RALGAPA2: variants seen among roughly 807,000 people sequenced by gnomAD.
RALGAPA2 encodes the protein Ral GTPase activating protein catalytic subunit alpha 2.
In RALGAPA2, 139 loss-of-function variants were observed where a neutral mutation model predicts 230.4. The ratio of observed to expected loss-of-function variants is 0.60; its 90% CI spans 0.53 to 0.69. The LOEUF is 0.69. RALGAPA2 is among the 30% of genes least tolerant of loss of function. The probability of loss-of-function intolerance (pLI) is 0.00; values close to 1 mark genes in which losing one functional copy is unlikely to be tolerated. For missense variants in RALGAPA2, 2,163 were observed against 2,276.0 expected (o/e 0.95, Z 1.01); for synonymous variants, 847 against 837.8 (o/e 1.01, Z -0.19).
At chr20:20,488,755 A>G (rs1383360141) in intron 36 of RALGAPA2, among the ~76,000 whole-genome samples, 1 of 151,552 alleles carries the variant, frequency 6.6e-6, no homozygotes, top group Non-Finnish European at 1.5e-5. Flanking sequence ...ACCCATTGCT[A>G]TAAGAGTCTC....
intron 24 of RALGAPA2, among the ~76,000 whole-genome samples, chr20:20,537,247 G>GA (rs762551620): frequency 1.3e-5 from 2 of 152,028 alleles, no homozygotes; most frequent in Non-Finnish European, 2.9e-5. Flanking sequence ...ACTGCTTTAC[G>GA]AAAAAATATA....
intron 38 of RALGAPA2, among the ~76,000 whole-genome samples, chr20:20,405,536 T>G (rs1372355232): frequency 6.6e-6 from 1 of 152,206 alleles, no homozygotes; most frequent in African/African-American, 2.4e-5. Flanking sequence ...AGAATGCTTG[T>G]CTCATCTCTT....
At chr20:20,472,086 C>T (rs1408716802) in intron 37 of RALGAPA2, 1 of 152,098 alleles carries the variant, frequency 6.6e-6, no homozygotes, top group Admixed American at 6.6e-5. Context: ...TTTATAAGGT[C>T]ACCCATCTTA....
At chr20:20,394,767 G>C (rs943037206) in intron 39 of RALGAPA2, among the ~76,000 whole-genome samples, 1 of 151,966 alleles carries the variant, frequency 6.6e-6, no homozygotes, top group Non-Finnish European at 1.5e-5. Flanking sequence ...CGCAGCTGGT[G>C]GTGGGCACTG....
chr20:20,518,417 C>A (rs1180894564), intron 31 of RALGAPA2, among the ~76,000 whole-genome samples: 1 of 152,048 alleles, frequency 6.6e-6, no homozygotes, highest in South Asian at 2.1e-4. Context: ...AAAAAAATAC[C>A]CTCAAATTTG....
chr20:20,496,303 T>C (rs889986388), intron 35 of RALGAPA2, among the ~76,000 whole-genome samples: 1 of 152,134 alleles, frequency 6.6e-6, no homozygotes, highest in African/African-American at 2.4e-5. Flanking sequence ...AGAACACCCT[T>C]GATCAATCTC....
chr20:20,427,838 TC>T (rs1338796256), intron 37 of RALGAPA2, among the ~76,000 whole-genome samples: 1 of 151,940 alleles, frequency 6.6e-6, no homozygotes, highest in African/African-American at 2.4e-5. Context: ...ACATATATCA[TC>T]AAGTGCAGAG....
chr20:20,597,633 G>A (rs905791752), intron 16 of RALGAPA2, among the ~76,000 whole-genome samples: 10 of 152,148 alleles, frequency 6.6e-5, no homozygotes, highest in African/African-American at 2.4e-4. Flanking sequence ...GAAGTCAGGA[G>A]TTCAAGACCT....
At chr20:20,499,861 C>T (rs928379484) in intron 35 of RALGAPA2, among the ~76,000 whole-genome samples, 2 of 152,190 alleles carry the variant, frequency 1.3e-5, no homozygotes, top group African/African-American at 4.8e-5. Flanking sequence ...ACAGGCACAC[C>T]TCAGAGATAT....
Position 20,615,828 on chromosome 20 carries a change from T to C in RALGAPA2, c.1688+215A>G, listed in dbSNP as rs138574145. On this transcript the variant is annotated intron_variant, in intron 13 of 39. Coordinates refer to ENST00000202677, the MANE Select transcript of RALGAPA2 (RefSeq NM_020343.4). ...AATCCACTATTAAGTAAAATACTTA[T>C]TGTTCAAGAACATTTTTTAAAAATA... 3.9e-4 allele frequency among the ~76,000 whole-genome samples: 60 copies of C among 152,320 alleles called. No homozygotes were observed. In the East Asian group the frequency reaches 9.8e-3, roughly 25 times the overall value.
chr20:20,586,441 A>G (rs552670845), intron 18 of RALGAPA2, among the ~76,000 whole-genome samples: 41 of 152,374 alleles, frequency 2.7e-4, no homozygotes, highest in African/African-American at 8.9e-4. Flanking sequence ...TCAGCCAGCT[A>G]GGAACCCATA....
chr20:20,512,222 C>A (rs1162821627), intron 32 of RALGAPA2, among the ~76,000 whole-genome samples: 6 of 148,396 alleles, frequency 4.0e-5, no homozygotes, highest in African/African-American at 1.0e-4. Flanking sequence ...AACAACCCCC[C>A]CTACACACAC....
chr20:20,681,770 C>T (rs1461242360), intron 1 of RALGAPA2, among the ~76,000 whole-genome samples: 2 of 152,158 alleles, frequency 1.3e-5, no homozygotes, highest in African/African-American at 2.4e-5. Flanking sequence ...GCAGGGTAAT[C>T]GCCCGAACTC....
chr20:20,502,443 G>T (rs907345008), intron 35 of RALGAPA2, among the ~76,000 whole-genome samples: 3 of 152,200 alleles, frequency 2.0e-5, no homozygotes, highest in African/African-American at 7.2e-5. Flanking sequence ...CAATTTTATA[G>T]GAATTATCTC....
At chr20:20,534,239 T>C (rs2063441276) in intron 26 of RALGAPA2, among the ~76,000 whole-genome samples, 1 of 152,030 alleles carries the variant, frequency 6.6e-6, no homozygotes, top group Non-Finnish European at 1.5e-5. Flanking sequence ...AGTCAGGAGA[T>C]TGAGACCATC....
At chr20:20,429,276 T>C (rs2060453633) in intron 37 of RALGAPA2, among the ~76,000 whole-genome samples, 1 of 152,222 alleles carries the variant, frequency 6.6e-6, no homozygotes, top group African/African-American at 2.4e-5. Flanking sequence ...CTGTCTCAGT[T>C]TAATCTTTCA....
chr20:20,590,926 C>A (rs992289760), intron 17 of RALGAPA2, among the ~76,000 whole-genome samples: 3 of 152,040 alleles, frequency 2.0e-5, no homozygotes, highest in African/African-American at 7.2e-5. Context: ...CCTGTCTCGT[C>A]CTCAAACATG....
intron 3 of RALGAPA2, among the ~76,000 whole-genome samples, chr20:20,673,602 A>C (rs1180816473): frequency 6.6e-6 from 1 of 152,200 alleles, no homozygotes; most frequent in African/African-American, 2.4e-5. Flanking sequence ...AAATATGAAT[A>C]ATACTAAAAC....
At chr20:20,401,428 C>T (rs2059835167) in intron 38 of RALGAPA2, among the ~76,000 whole-genome samples, 1 of 152,130 alleles carries the variant, frequency 6.6e-6, no homozygotes, top group Non-Finnish European at 1.5e-5. Flanking sequence ...GCAAATAGGG[C>T]CAACCCACTG....
Sources: allele counts gnomAD v4.1 joint callset (sites outside exome capture counted in the v4.1 genomes callset), GRCh38; gene constraint gnomAD v4.1.1; transcripts MANE v1.5; gene names NCBI Gene and HGNC (gene_info 2026-07-23, HGNC 2026-07-21).